LRP1B: variants seen among roughly 807,000 people sequenced by gnomAD.
The protein encoded by LRP1B is LDL receptor related protein 1B.
LRP1B carries 217 observed loss-of-function variants against 556.6 expected under a neutral mutation model. The observed-to-expected ratio is 0.39, with a 90% CI of 0.35 to 0.44. The LOEUF is 0.44. Among genes scored for constraint, LRP1B ranks in the 20% least tolerant of loss-of-function variants. LRP1B has a pLI of 1.00. For missense variants in LRP1B, 5,053 were observed against 5,620.8 expected (o/e 0.90, Z 3.23); for synonymous variants, 2,047 against 1,865.8 (o/e 1.10, Z -2.50).
chr2:142,130,759 G>A lies in LRP1B; in HGVS notation c.-30C>T, dbSNP rs1707820822. On this transcript the variant is annotated 5_prime_UTR_variant, in exon 1 of 91. An upstream open reading frame in the 5' UTR gains an earlier in-frame stop. Coordinates refer to ENST00000389484, the MANE Select transcript of LRP1B (RefSeq NM_018557.3). ...GTCGCCCGGTAAGGAAGCCTGCGCT[G>A]GAGACTGCTCGGCGGCACCTTCGGC... 6.3e-7 allele frequency: 1 copy of A among 1,585,638 alleles called. No homozygotes were observed. The highest frequency in any genetic ancestry group is 1.7e-5 in the Admixed American group (1 of 58,528).
Position 141,705,528 on chromosome 2 carries a change from C to G in LRP1B, c.205+104751G>C, listed in dbSNP as rs1372165049. Among the ~76,000 whole-genome samples, 4 of 152,054 alleles carry G rather than the reference C, an allele frequency of 2.6e-5. No individual in the cohort carries two copies. In the East Asian group the frequency reaches 7.7e-4, roughly 29 times the overall value. On this transcript the variant is annotated intron_variant, in intron 2 of 90. Transcript: ENST00000389484. ...GCTTTTTCTAACTCAAACCTGTTTACTAACACATTGTGCTAATGCTAGTGC... is the reference window on the plus strand; with the variant it reads ...GCTTTTTCTAACTCAAACCTGTTTAGTAACACATTGTGCTAATGCTAGTGC...
chr2:140,658,522 C>G (rs78300701), intron 41 of LRP1B, among the ~76,000 whole-genome samples: 9,210 of 151,890 alleles, frequency 0.061, 318 homozygotes, highest in Admixed American at 0.079. Context: ...TCCTGAATTT[C>G]CAAAAATAAA....
intron 1 of LRP1B, among the ~76,000 whole-genome samples, chr2:142,115,549 ATATATTATATATG>A (rs1707180467): frequency 2.3e-5 from 1 of 43,576 alleles, no homozygotes; most frequent in Non-Finnish European, 4.7e-5. Flanking sequence ...TATGTAATAT[ATATATTATATATG>A]TAATATATAT....
At chr2:141,020,374 T>C (rs1698030718) in intron 11 of LRP1B, among the ~76,000 whole-genome samples, 1 of 152,092 alleles carries the variant, frequency 6.6e-6, no homozygotes, top group Non-Finnish European at 1.5e-5. Context: ...AGATTTTAAT[T>C]GAACTTCAAT....
intron 3 of LRP1B, among the ~76,000 whole-genome samples, chr2:141,411,894 A>T (rs1371009009): frequency 6.6e-6 from 1 of 152,176 alleles, no homozygotes; most frequent in Non-Finnish European, 1.5e-5. Context: ...AGAATTTTTT[A>T]AATCCTTATT....
intron 1 of LRP1B, among the ~76,000 whole-genome samples, chr2:141,828,725 T>C (rs1697016087): frequency 6.6e-6 from 1 of 152,142 alleles, no homozygotes. Flanking sequence ...TGTGGTCTAA[T>C]ACAAAAACTC....
intron 1 of LRP1B, among the ~76,000 whole-genome samples, chr2:142,101,214 G>T (rs1028490889): frequency 4.0e-5 from 6 of 151,890 alleles, no homozygotes; most frequent in South Asian, 2.1e-4. Context: ...AGCCAGGCTG[G>T]ATATCCTTGG....
At chr2:141,912,180 C>T (rs1225769724) in intron 1 of LRP1B, among the ~76,000 whole-genome samples, 1 of 152,104 alleles carries the variant, frequency 6.6e-6, no homozygotes, top group Non-Finnish European at 1.5e-5. Flanking sequence ...ATAAATCTTG[C>T]TTTGTCAAAA....
intron 21 of LRP1B, among the ~76,000 whole-genome samples, chr2:140,914,248 T>C (rs1320886179): frequency 1.3e-5 from 2 of 152,052 alleles, no homozygotes; most frequent in African/African-American, 2.4e-5. Flanking sequence ...GAGTGAGAGA[T>C]AATGAAAGCT....
intron 2 of LRP1B, among the ~76,000 whole-genome samples, chr2:141,490,680 A>T (rs1683299171): frequency 6.6e-6 from 1 of 152,080 alleles, no homozygotes; most frequent in Non-Finnish European, 1.5e-5. Context: ...AAAATAAATG[A>T]AATCACTGTT....
chr2:140,985,674 A>T (rs1025513733), intron 17 of LRP1B, among the ~76,000 whole-genome samples: 4 of 151,748 alleles, frequency 2.6e-5, no homozygotes, highest in Admixed American at 2.0e-4. Context: ...CTTCTGGGCA[A>T]ATTCTCCAAC....
intron 2 of LRP1B, among the ~76,000 whole-genome samples, chr2:141,711,814 A>G (rs1304348315): frequency 1.3e-5 from 2 of 151,876 alleles, no homozygotes; most frequent in Non-Finnish European, 2.9e-5. Context: ...GTTACAACAC[A>G]CTCCATCCAC....
intron 3 of LRP1B, among the ~76,000 whole-genome samples, chr2:141,431,189 C>A (rs1680551224): frequency 9.1e-6 from 1 of 110,144 alleles, no homozygotes; most frequent in African/African-American, 3.1e-5. Flanking sequence ...CATAGATTAT[C>A]CTGGTGAGCT....
chr2:140,884,842 A>T (rs1022421859), intron 24 of LRP1B, among the ~76,000 whole-genome samples: 15 of 152,120 alleles, frequency 9.9e-5, no homozygotes, highest in African/African-American at 3.6e-4. Context: ...CCTCCTGAGT[A>T]GCAAGGACTA....
intron 3 of LRP1B, among the ~76,000 whole-genome samples, chr2:141,393,913 G>T (rs1690147418): frequency 6.6e-6 from 1 of 152,000 alleles, no homozygotes; most frequent in Admixed American, 6.6e-5. Context: ...CATTAGTATT[G>T]TATTCACTTT....
rs565000818 is a variant in LRP1B at position 141,080,306 on chromosome 2, G to T, written c.1014-18033C>A. 2.6e-5 allele frequency among the ~76,000 whole-genome samples: 4 copies of T among 152,188 alleles called. No individual in the cohort carries two copies. In the South Asian group the frequency reaches 8.3e-4, roughly 32 times the overall value. On this transcript the variant is annotated intron_variant, in intron 7 of 90. Transcript: ENST00000389484. ...CTGAAATTCCAAGTTCTGCTGTCTG[G>T]TATTCCTAACTTTATGTAGTTAGCA...
intron 2 of LRP1B, among the ~76,000 whole-genome samples, chr2:141,735,747 T>G (rs1459014256): frequency 6.6e-6 from 1 of 152,138 alleles, no homozygotes; most frequent in East Asian, 1.9e-4. Context: ...TTTAGAAATC[T>G]TAATTTCCAT....
At chr2:140,665,893 C>T (rs1156771807) in intron 41 of LRP1B, among the ~76,000 whole-genome samples, 1 of 151,862 alleles carries the variant, frequency 6.6e-6, no homozygotes, top group African/African-American at 2.4e-5. Context: ...GAATTTTAAA[C>T]AGATATTTTT....
Position 140,859,586 on chromosome 2 carries a change from T to G in LRP1B, c.4580-7803A>C, listed in dbSNP as rs541740798. ...ATGGACAGTGGGATTTTAAAAAAAA[T>G]GATTTTAAAAGTTAAAGAAATAATT... On this transcript the variant is annotated intron_variant, in intron 27 of 90. Coordinates refer to ENST00000389484, the MANE Select transcript of LRP1B (RefSeq NM_018557.3). Among the ~76,000 whole-genome samples, 3 of 152,130 alleles carry G rather than the reference T, an allele frequency of 2.0e-5. No homozygotes were observed. The East Asian group carries it at 5.8e-4, about 29-fold the overall frequency.
Sources: gnomAD v4.1 joint callset for allele counts (sites outside exome capture counted in the v4.1 genomes callset) on GRCh38, gnomAD v4.1.1 for gene constraint, MANE v1.5 for transcripts, NCBI Gene and HGNC (gene_info 2026-07-23, HGNC 2026-07-21) for gene names.